Variants in MCF2L2 observed in about 807,000 individuals in gnomAD.
MCF2L2 encodes MCF.2 cell line derived transforming sequence-like 2.
MCF2L2 carries 102 observed loss-of-function variants against 150.2 expected under a neutral mutation model. That is an observed-to-expected ratio of 0.68 (90% CI 0.58 to 0.80). MCF2L2 has a LOEUF of 0.80. Among genes scored for constraint, MCF2L2 ranks in the 30% least tolerant of loss-of-function variants. The pLI, the probability that MCF2L2 is intolerant of heterozygous loss-of-function variation, is 0.00. For missense variants in MCF2L2, 1,256 were observed against 1,372.8 expected, an observed-to-expected ratio of 0.91 and a Z score of 1.34; for synonymous variants, 465 against 491.3, an observed-to-expected ratio of 0.95 and a Z score of 0.71.
At chr3:183,216,552 T>TTATATA (rs1302056111) in intron 21 of MCF2L2, among the ~76,000 whole-genome samples, 456 of 33,018 alleles carry the variant, frequency 0.014, 2 homozygotes, top group African/African-American at 0.023. Flanking sequence ...AGTATATATA[T>TTATATA]TATATATATA....
At chr3:183,360,224 A>T (rs931059398) in intron 3 of MCF2L2, among the ~76,000 whole-genome samples, 14 of 152,148 alleles carry the variant, frequency 9.2e-5, no homozygotes, top group Non-Finnish European at 2.1e-4. Context: ...GATAAAACCC[A>T]CTGTTAATGA....
intron 3 of MCF2L2, among the ~76,000 whole-genome samples, chr3:183,344,142 C>A (rs564098929): frequency 1.3e-5 from 2 of 151,796 alleles, no homozygotes; most frequent in African/African-American, 2.4e-5. Flanking sequence ...AACCACCACC[C>A]CCCCCAAAAA....
chr3:183,214,684 GAT>G (rs1184582143), intron 22 of MCF2L2, among the ~76,000 whole-genome samples: 1 of 151,986 alleles, frequency 6.6e-6, no homozygotes, highest in African/African-American at 2.4e-5. Context: ...GGGTCACAGA[GAT>G]GTGATGTAAG....
At chr3:183,412,875 C>T (rs1029538865) in intron 1 of MCF2L2, among the ~76,000 whole-genome samples, 2 of 152,090 alleles carry the variant, frequency 1.3e-5, no homozygotes, top group South Asian at 4.1e-4. Flanking sequence ...CATAAATACC[C>T]TTTATCAGGT....
At chr3:183,223,910 C>T (rs1371061739) in intron 19 of MCF2L2, among the ~76,000 whole-genome samples, 188 bp downstream of exon 19, 1 of 152,152 alleles carries the variant, frequency 6.6e-6, no homozygotes, top group Non-Finnish European at 1.5e-5. Context: ...GGTTTTCTCA[C>T]CAGATATAGG....
rs144488188 is a variant in MCF2L2, at chr3:183,234,379, C to G, written c.1863-3362G>C. 7.2e-4 allele frequency among the ~76,000 whole-genome samples: 110 copies of G among 152,262 alleles called. 1 individual carries two copies. In the East Asian group the frequency reaches 0.018, roughly 25 times the overall value. On this transcript the variant is annotated intron_variant, in intron 15 of 29. Transcript: ENST00000328913. ...GAGACTCTTAGGAGCTTTTAGGACT[C>G]TAATACAGGAAAATATTCACATCTC... is the stretch of plus-strand genomic sequence containing the variant.
intron 7 of MCF2L2, among the ~76,000 whole-genome samples, chr3:183,316,736 C>T (rs1223743480): frequency 6.6e-6 from 1 of 151,960 alleles, no homozygotes; most frequent in Non-Finnish European, 1.5e-5. Context: ...GATGGAGTCT[C>T]GCTCTGTCAC....
At chr3:183,299,585 G>C (rs185849480) in intron 11 of MCF2L2, 1 of 169,856 alleles carries the variant, frequency 5.9e-6, no homozygotes, top group South Asian at 1.4e-4. Context: ...ATGGTAGGGG[G>C]TATAAAATGG....
chr3:183,337,165 C>T (rs560026444), intron 5 of MCF2L2, among the ~76,000 whole-genome samples: 1 of 152,102 alleles, frequency 6.6e-6, no homozygotes, highest in Non-Finnish European at 1.5e-5. Context: ...CTTGTATATA[C>T]TTTTCCGCTG....
At chr3:183,180,260 C>T in intron 27 of MCF2L2, 101 bp from the exon 28 acceptor site, 3 of 755,826 alleles carry the variant, frequency 4.0e-6, no homozygotes, top group South Asian at 1.5e-5. Flanking sequence ...CAGGCACGGT[C>T]CTCCCCATCT....
At position 183,270,115 on chromosome 3, in the gene MCF2L2, GA is replaced by G; in HGVS notation, c.1862+6756del. On this transcript the variant is annotated intron_variant, in intron 15 of 29. Transcript: ENST00000328913. This position sits in a 1 kb window ranked among gnomAD's most constrained non-coding sequence, Gnocchi z 4.5. Reference sequence around the variant, plus strand: ...CCTGAAAACTATGATCGACGTTCCGGAATTAGAAGGACGTGGGGCAATGAAA... The same window carrying G: ...CCTGAAAACTATGATCGACGTTCCGGATTAGAAGGACGTGGGGCAATGAAA... 6.2e-7 allele frequency: 1 copy of G among 1,614,148 alleles called. No individual in the cohort carries two copies. The highest frequency in any genetic ancestry group is 8.5e-7 in the Non-Finnish European group (1 of 1,180,036).
chr3:183,320,184 C>T lies in MCF2L2; in HGVS notation c.604-1967G>A, dbSNP rs539418733. ...CTCAGCTCACTGCAACCTCCGCCTC[C>T]CGGGTTCAAGCGATTCTCCTGCCTC... On this transcript the variant is annotated intron_variant, in intron 6 of 29. Coordinates refer to ENST00000328913, the MANE Select transcript of MCF2L2 (RefSeq NM_015078.4). Among the ~76,000 whole-genome samples, 4 of 151,886 alleles carry T rather than the reference C, an allele frequency of 2.6e-5. No individual in the cohort carries two copies. The East Asian group carries it at 7.7e-4, about 29-fold the overall frequency.
In MCF2L2 at chr3:183,350,608, T is replaced by C. The variant is rs560618441; in HGVS notation, c.276-8978A>G. On this transcript the variant is annotated intron_variant, in intron 3 of 29. Transcript: ENST00000328913. ...CAAAAGTCACACCCTATATGCAGAG[T>C]TAAGAGTCATTAGAGGCCGGGCGCG... Among the ~76,000 whole-genome samples the C allele has an allele frequency of 2.0e-5, 3 of 152,116 alleles. No individual in the cohort carries two copies. In the East Asian group the frequency reaches 5.8e-4, roughly 29 times the overall value.
At chr3:183,389,814 CAT>C (rs1295998853) in intron 1 of MCF2L2, 35 bp from the exon 2 acceptor site, 13 of 1,512,760 alleles carry the variant, frequency 8.6e-6, no homozygotes, top group African/African-American at 1.4e-5. Flanking sequence ...GTTAGTTAAA[CAT>C]GTGCAAATTA....
At chr3:183,252,070 C>T (rs1235385154) in intron 15 of MCF2L2, among the ~76,000 whole-genome samples, 2 of 150,312 alleles carry the variant, frequency 1.3e-5, no homozygotes, top group African/African-American at 4.9e-5. Flanking sequence ...TTGTATTTCT[C>T]GTGGGTACAG....
At chr3:183,417,617 G>A (rs149508107) in intron 1 of MCF2L2, among the ~76,000 whole-genome samples, 5 of 152,250 alleles carry the variant, frequency 3.3e-5, no homozygotes, top group Non-Finnish European at 5.9e-5. Flanking sequence ...TCCTTAAAAG[G>A]TAGATCTGTT....
chr3:183,233,976 G>A (rs1723686108), intron 15 of MCF2L2, among the ~76,000 whole-genome samples: 1 of 152,076 alleles, frequency 6.6e-6, no homozygotes, highest in Non-Finnish European at 1.5e-5. Flanking sequence ...TACCACAGAG[G>A]ATGTAATTTC....
chr3:183,226,199 T>A (rs1238748294), intron 18 of MCF2L2: 1 of 152,186 alleles, frequency 6.6e-6, no homozygotes, highest in Non-Finnish European at 1.5e-5. Context: ...AAATTCATTA[T>A]CTTGGAAGGC....
intron 17 of MCF2L2, 42 bp downstream of exon 17, chr3:183,229,620 CTTCT>C: frequency 1.1e-6 from 1 of 874,822 alleles, no homozygotes; most frequent in Non-Finnish European, 1.8e-6. Flanking sequence ...CATTTCCACC[CTTCT>C]CTTACTCTCC....
Sources: gnomAD v4.1 joint callset for allele counts (sites outside exome capture counted in the v4.1 genomes callset) on GRCh38, gnomAD v4.1.1 for gene constraint, Gnocchi (gnomAD v3.1) non-coding constraint, MANE v1.5 for transcripts, NCBI Gene and HGNC (gene_info 2026-07-23, HGNC 2026-07-21) for gene names.